Variants in TMPRSS9 observed in about 807,000 individuals in gnomAD.
TMPRSS9 encodes transmembrane serine protease 9.
In TMPRSS9, 113 loss-of-function variants were observed where a neutral mutation model predicts 111.4. The ratio of observed to expected loss-of-function variants is 1.01; its 90% CI spans 0.87 to 1.19. The LOEUF (loss-of-function observed/expected upper bound fraction) is 1.19, where lower values mean the gene tolerates loss of function less well. TMPRSS9 is among the 50% of genes most tolerant of loss of function. TMPRSS9 has a pLI of 0.00. For synonymous variants in TMPRSS9, 805 were observed against 659.1 expected (o/e 1.22, Z -3.39); for missense variants, 1,803 against 1,513.1 (o/e 1.19, Z -3.18).
At chr19:2,366,856 C>CAA (rs769704683) in intron 1 of TMPRSS9, among the ~76,000 whole-genome samples, 44 of 61,314 alleles carry the variant, frequency 7.2e-4, no homozygotes, top group African/African-American at 2.2e-3. Flanking sequence ...GACTCCATTT[C>CAA]AAAAAAAAAA....
intron 1 of TMPRSS9, among the ~76,000 whole-genome samples, chr19:2,380,324 A>G (rs79015453): frequency 0.11 from 15,933 of 151,444 alleles, 1,634 homozygotes; most frequent in African/African-American, 0.27. Context: ...AACCAGGTAC[A>G]GTGGCTCATG....
chr19:2,403,289 G>A, intron 6 of TMPRSS9, 94 bp downstream of exon 7: 1 of 1,038,760 alleles, frequency 9.6e-7, no homozygotes, highest in Non-Finnish European at 1.4e-6. Flanking sequence ...TTATTTCACT[G>A]GGCACACAGG....
rs191779746 is a variant in TMPRSS9 at position 2,414,229 on chromosome 19, C to G, written c.1573+211C>G. 7.1e-4 allele frequency: 375 copies of G among 529,506 alleles called. 2 individuals carry two copies. The highest frequency in any genetic ancestry group is 6.5e-3 in the African/African-American group (344 of 52,898). The allele number at this position is 529,506 out of a possible 1,614,324, so 32.8% of individuals were successfully genotyped here. A position where few individuals can be genotyped will look rare whatever the true frequency, so the allele number is the denominator to read the frequency against. Reference sequence around the variant, plus strand: ...CCCATGTCTTGTTAACTATGGCGATCTATCAATGGGATACTTTTTTTTTTT... The same window carrying G: ...CCCATGTCTTGTTAACTATGGCGATGTATCAATGGGATACTTTTTTTTTTT... On this transcript the variant is annotated intron_variant, in intron 10 of 17. Transcript: ENST00000648592.
At chr19:2,402,057 T>A in intron 5 of TMPRSS9, 41 bp downstream of exon 6, 2 of 1,595,844 alleles carry the variant, frequency 1.3e-6, no homozygotes, top group Non-Finnish European at 8.6e-7. Flanking sequence ...TTGCAGTTAC[T>A]GACAGAGGTT....
In TMPRSS9 at chr19:2,425,502, C is replaced by A; in HGVS notation, c.3120+9C>A. The A allele has an allele frequency of 2.6e-6, 4 of 1,562,588 alleles. No individual in the cohort carries two copies. The highest frequency in any genetic ancestry group is 2.4e-5 in the East Asian group (1 of 42,526). On this transcript the variant is annotated intron_variant, in intron 17 of 17. Coordinates refer to ENST00000648592, the Ensembl canonical transcript of TMPRSS9. Reference sequence around the variant, plus strand: ...GCGTGGACAGCTGCTCGGTGAGCCCCGCCCCGGCCCAGGGGACCAGGTCCC... The same window carrying A: ...GCGTGGACAGCTGCTCGGTGAGCCCAGCCCCGGCCCAGGGGACCAGGTCCC...
intron 13 of TMPRSS9, among the ~76,000 whole-genome samples, 166 bp downstream of exon 14, chr19:2,418,304 C>T (rs1472059008): frequency 2.8e-5 from 2 of 70,608 alleles, no homozygotes; most frequent in East Asian, 4.2e-4. Flanking sequence ...TCCTTCCCTC[C>T]CTTTCCCTCC....
exon 2 of TMPRSS9, chr19:2,396,653 C>G (rs140023303): frequency 6.2e-7 from 1 of 1,608,560 alleles, no homozygotes; most frequent in Non-Finnish European, 8.5e-7. Context: ...CTGACGCCCA[C>G]CCTGGAGGCA....
chr19:2,418,262 C>T, intron 13 of TMPRSS9, 124 bp downstream of exon 14: 4 of 1,124,394 alleles, frequency 3.6e-6, no homozygotes, highest in Non-Finnish European at 1.2e-6. Context: ...CTCCTTCCCT[C>T]CTTGTCCTTC....
chr19:2,399,161 C>T (rs1330951270), exon 4 of TMPRSS9: 4 of 1,610,242 alleles, frequency 2.5e-6, no homozygotes, highest in African/African-American at 2.7e-5. Context: ...TCCCTGGCTG[C>T]CTATGGCACA....
chr19:2,417,466 C>CAA (rs61320761), intron 12 of TMPRSS9, among the ~76,000 whole-genome samples: 16 of 106,984 alleles, frequency 1.5e-4, no homozygotes, highest in African/African-American at 3.5e-4. Context: ...ACTCCCATCT[C>CAA]AAAAAAAAAA....
At chr19:2,425,431 G>C (rs1470551821) in exon 17 of TMPRSS9, 1 of 1,590,598 alleles carries the variant, frequency 6.3e-7, no homozygotes, top group South Asian at 1.1e-5. Flanking sequence ...CTTCTACCCA[G>C]TGCAGATCAG....
intron 1 of TMPRSS9, among the ~76,000 whole-genome samples, chr19:2,364,795 C>T (rs1970235563): frequency 6.6e-6 from 1 of 151,794 alleles, no homozygotes; most frequent in Admixed American, 6.6e-5. Flanking sequence ...ACCATCCTGG[C>T]TAACACGCTG....
chr19:2,384,181 G>A (rs1970425605), intron 1 of TMPRSS9, among the ~76,000 whole-genome samples: 1 of 152,160 alleles, frequency 6.6e-6, no homozygotes, highest in South Asian at 2.1e-4. Flanking sequence ...GTGTGTTGGA[G>A]GCCAGGCATG....
intron 13 of TMPRSS9, among the ~76,000 whole-genome samples, chr19:2,420,676 T>C (rs11881243): frequency 0.38 from 57,044 of 151,938 alleles, 11,751 homozygotes; most frequent in African/African-American, 0.56. Context: ...GCAAGTGCCT[T>C]AACCTCTCTG....
intron 1 of TMPRSS9, among the ~76,000 whole-genome samples, chr19:2,393,931 G>A (rs983892604): frequency 6.2e-5 from 9 of 146,120 alleles, no homozygotes; most frequent in African/African-American, 2.0e-4. Context: ...AGCTGGGCGC[G>A]GTGGCTCCCA....
chr19:2,361,047 G>A lies in TMPRSS9; in HGVS notation c.-26+687G>A, dbSNP rs1167106038. Among the ~76,000 whole-genome samples, 5 of 148,008 alleles carry A rather than the reference G, an allele frequency of 3.4e-5. No homozygotes were observed. The South Asian group carries it at 6.6e-4, about 19-fold the overall frequency. The stretch of plus-strand genomic sequence containing the variant: ...CAGAGTCCTCCCTTCTTTTCTACCC[G>A]TGAACTTCACCTAAAGCAAGAACCA... On this transcript the variant is annotated intron_variant, in intron 1 of 17. Transcript: ENST00000649857.
At chr19:2,411,075 GGATCACTTGAGGTCAGGAGTTTGA>G (rs1180076335) in intron 9 of TMPRSS9, among the ~76,000 whole-genome samples, 1 of 151,892 alleles carries the variant, frequency 6.6e-6, no homozygotes, top group Admixed American at 6.6e-5. Context: ...CAAGGCGGGT[GGATCACTTGAGGTCAGGAGTTTGA>G]GACCAGCCTG....
chr19:2,368,790 T>TTTTTTTTTTG (rs1970267142), intron 1 of TMPRSS9, among the ~76,000 whole-genome samples: 3 of 117,076 alleles, frequency 2.6e-5, no homozygotes, highest in African/African-American at 8.0e-5. Flanking sequence ...TTTTTTTTTT[T>TTTTTTTTTTG]TTTTTTTTTT....
exon 16 of TMPRSS9, chr19:2,425,031 T>C: frequency 6.5e-7 from 1 of 1,548,658 alleles, no homozygotes; most frequent in South Asian, 1.2e-5. Context: ...TGGGCGGCCT[T>C]CCTAGGCACG....
Sources: gnomAD v4.1 joint callset for allele counts (sites outside exome capture counted in the v4.1 genomes callset) on GRCh38, gnomAD v4.1.1 for gene constraint, MANE v1.5 for transcripts, NCBI Gene and HGNC (gene_info 2026-07-23, HGNC 2026-07-21) for gene names.